The following CC2D2B variants were observed in gnomAD, a reference collection of about 807,000 sequenced individuals.
CC2D2B encodes protein CC2D2B.
A neutral mutation model predicts 161.2 loss-of-function variants in CC2D2B; 128 were observed. The ratio of observed to expected loss-of-function variants is 0.79; its 90% CI spans 0.69 to 0.92. CC2D2B has a LOEUF of 0.92. Among genes scored for constraint, CC2D2B ranks in the 40% least tolerant of loss-of-function variants. The pLI, the probability that CC2D2B is intolerant of heterozygous loss-of-function variation, is 0.00. For missense variants in CC2D2B, 1,173 were observed against 1,375.1 expected, an observed-to-expected ratio of 0.85 and a Z score of 2.32; for synonymous variants, 391 against 449.8, an observed-to-expected ratio of 0.87 and a Z score of 1.65.
At chr10:95,918,822 TCTGA>T (rs1408125262) in intron 2 of CC2D2B, 2 of 152,190 alleles carry the variant, frequency 1.3e-5, no homozygotes, top group Non-Finnish European at 2.9e-5. Flanking sequence ...TTTTGTCTCC[TCTGA>T]CTGTGTATTT....
chr10:95,921,839 C>G (rs1202367397), intron 2 of CC2D2B, among the ~76,000 whole-genome samples, 177 bp from the exon 3 acceptor site: 1 of 152,016 alleles, frequency 6.6e-6, no homozygotes, highest in African/African-American at 2.4e-5. Flanking sequence ...GGAGATATAC[C>G]TAATGTAAAT....
Position 95,974,152 on chromosome 10 carries a change from T to C in CC2D2B, c.1939T>C (p.Cys647Arg). Residue 647 changes from cysteine to arginine, a missense_variant, in exon 17 of 35, where the codon TGC (cysteine) becomes CGC (arginine). Transcript: ENST00000646931. Reference protein sequence around the residue: ...PMPQSLRSSYCSMLRNVDARS... With the variant: ...PMPQSLRSSYRSMLRNVDARS... ...GCCACAATCATTAAGATCTTCTTAC[T>C]GCAGGTAATAAACTTTTATCTTTGA... The C allele has an allele frequency of 1.6e-6, 2 of 1,228,940 alleles. No individual in the cohort carries two copies. Among genetic ancestry groups the C allele is most frequent in the Non-Finnish European group, 2.0e-6 (2 of 985,110 alleles). The allele number at this position is 1,228,940 out of a possible 1,614,324, so 76.1% of individuals were successfully genotyped here.
intron 34 of CC2D2B, among the ~76,000 whole-genome samples, chr10:96,030,706 T>C (rs2080029852): frequency 6.6e-6 from 1 of 152,198 alleles, no homozygotes; most frequent in Non-Finnish European, 1.5e-5. Context: ...TACACCTTCT[T>C]GCTGTTTCCT....
At chr10:95,960,995 A>G (rs1396876233) in intron 11 of CC2D2B, among the ~76,000 whole-genome samples, 1 of 152,152 alleles carries the variant, frequency 6.6e-6, no homozygotes, top group Non-Finnish European at 1.5e-5. Context: ...CCGTCCAAAT[A>G]GAACTTAGGT....
intron 16 of CC2D2B, among the ~76,000 whole-genome samples, chr10:95,972,873 T>C (rs2077184091): frequency 6.6e-6 from 1 of 151,662 alleles, no homozygotes; most frequent in Admixed American, 6.6e-5. Context: ...GTCTTTGAAC[T>C]GTATAGGGAA....
At chr10:95,994,749 T>C (rs2078164165) in intron 22 of CC2D2B, among the ~76,000 whole-genome samples, 1 of 152,242 alleles carries the variant, frequency 6.6e-6, no homozygotes. Flanking sequence ...TACCCGCCGG[T>C]CATTCCTTGG....
chr10:95,915,453 G>A (rs2098514430), intron 2 of CC2D2B, among the ~76,000 whole-genome samples: 1 of 152,148 alleles, frequency 6.6e-6, no homozygotes, highest in South Asian at 2.1e-4. Flanking sequence ...GAACAACAGT[G>A]GTGAAAGTAG....
At chr10:95,979,854 G>A (rs1177554201) in intron 17 of CC2D2B, among the ~76,000 whole-genome samples, 3 of 152,198 alleles carry the variant, frequency 2.0e-5, no homozygotes, top group Non-Finnish European at 4.4e-5. Context: ...AACATTGTGA[G>A]TGTACTTAAT....
chr10:96,025,170 T>TAAA (rs1564683762), intron 33 of CC2D2B, among the ~76,000 whole-genome samples: 5 of 19,310 alleles, frequency 2.6e-4, no homozygotes, highest in African/African-American at 1.1e-3. Flanking sequence ...TATATATATA[T>TAAA]ATATATATAT....
At chr10:95,992,907 CTT>C in intron 22 of CC2D2B, 1 of 356,262 alleles carries the variant, frequency 2.8e-6, no homozygotes, top group Non-Finnish European at 5.0e-6. Flanking sequence ...CCCAGAGTAA[CTT>C]TAACATGTAT....
chr10:96,026,110 C>T (rs1249395660), intron 33 of CC2D2B, among the ~76,000 whole-genome samples: 7 of 152,172 alleles, frequency 4.6e-5, no homozygotes, highest in Admixed American at 3.9e-4. Flanking sequence ...TGATGCATAG[C>T]CGCTATTGAG....
chr10:95,958,234 G>A (rs1011924560), intron 11 of CC2D2B, among the ~76,000 whole-genome samples: 1 of 152,176 alleles, frequency 6.6e-6, no homozygotes, highest in Non-Finnish European at 1.5e-5. Context: ...CTCCAAGCCT[G>A]TAATCCCAGC....
In CC2D2B at chr10:95,946,567, T is replaced by C. The variant is rs187438678; in HGVS notation, c.802-3329T>C. On this transcript the variant is annotated intron_variant, in intron 9 of 34. Coordinates refer to ENST00000646931, the MANE Select transcript of CC2D2B (RefSeq NM_001349008.3). ...GTTTAATGGCCAATTTACCAACTTA[T>C]TACCAATTGTCTAAATCTCTCAGGT... 6.6e-3 allele frequency among the ~76,000 whole-genome samples: 1,008 copies of C among 152,328 alleles called. 17 individuals carry two copies. Among genetic ancestry groups the C allele is most frequent in the Non-Finnish European group, 6.5e-3 (444 of 68,012 alleles).
chr10:95,926,873 T>TGTGTGTGC (rs397766895), intron 5 of CC2D2B, among the ~76,000 whole-genome samples: 52 of 150,260 alleles, frequency 3.5e-4, no homozygotes, highest in Admixed American at 3.3e-4. Flanking sequence ...TGTGTGTGTG[T>TGTGTGTGC]GCGCGCGCCT....
intron 3 of CC2D2B, among the ~76,000 whole-genome samples, chr10:95,924,030 TAAAAA>T (rs1211879654): frequency 1.3e-5 from 2 of 149,230 alleles, no homozygotes; most frequent in Admixed American, 6.7e-5. Flanking sequence ...TCAAAAAAAA[TAAAAA>T]AAATAAAAAA....
At chr10:95,937,953 A>G (rs751846999) in intron 6 of CC2D2B, 38 bp from the exon 7 acceptor site, 7 of 1,197,612 alleles carry the variant, frequency 5.8e-6, no homozygotes, top group Non-Finnish European at 8.4e-6. Context: ...CATTGGAGAC[A>G]AGCATGTAAA....
Position 95,947,509 on chromosome 10 carries a change from C to T in CC2D2B, c.802-2387C>T, listed in dbSNP as rs531912063. Among the ~76,000 whole-genome samples, 42 of 151,804 alleles carry T rather than the reference C, an allele frequency of 2.8e-4. No individual in the cohort carries two copies. The East Asian group carries it at 2.9e-3, about 11-fold the overall frequency. On this transcript the variant is annotated intron_variant, in intron 9 of 34. Transcript: ENST00000646931. ...TTGTAATCCCAGCACTTTGGGAGGC[C>T]GAGGTGGGCAGATCACGAGGTCAGG...
intron 26 of CC2D2B, among the ~76,000 whole-genome samples, chr10:96,010,232 A>G (rs887898036): frequency 6.6e-6 from 1 of 152,196 alleles, no homozygotes; most frequent in Non-Finnish European, 1.5e-5. Flanking sequence ...TTTCTTTGTA[A>G]TCATGGGTAC....
chr10:95,944,430 G>A (rs1173512555), intron 9 of CC2D2B, among the ~76,000 whole-genome samples: 1 of 152,110 alleles, frequency 6.6e-6, no homozygotes, highest in Admixed American at 6.5e-5. Context: ...AAAGAGGAGG[G>A]AAAAGCCCTG....
Sources: gnomAD v4.1 joint callset for allele counts (sites outside exome capture counted in the v4.1 genomes callset) on GRCh38, gnomAD v4.1.1 for gene constraint, MANE v1.5 for transcripts, NCBI Gene and HGNC (gene_info 2026-07-23, HGNC 2026-07-21) for gene names.